Variants in AP1G1 observed in about 807,000 individuals in gnomAD.
AP1G1 encodes the protein AP-1 complex subunit gamma-1.
AP1G1 carries 7 observed loss-of-function variants against 108.3 expected under a neutral mutation model. The ratio of observed to expected loss-of-function variants is 0.06; its 90% CI spans 0.04 to 0.12. The LOEUF is 0.12. Among genes scored for constraint, AP1G1 ranks in the 10% least tolerant of loss-of-function variants. The pLI is 1.00. For missense variants in AP1G1, 756 were observed against 1,010.7 expected (o/e 0.75, Z 3.42); for synonymous variants, 379 against 353.5 (o/e 1.07, Z -0.81).
At chr16:71,776,302 T>C (rs1484305540) in intron 2 of AP1G1, among the ~76,000 whole-genome samples, 1 of 152,196 alleles carries the variant, frequency 6.6e-6, no homozygotes, top group Non-Finnish European at 1.5e-5. Flanking sequence ...ATCACGAGCA[T>C]TTCAAAGAAG....
At chr16:71,734,490 T>G in intron 22 of AP1G1, 119 bp downstream of exon 22, 1 of 814,160 alleles carries the variant, frequency 1.2e-6, no homozygotes, top group Non-Finnish European at 2.0e-6. Flanking sequence ...GACCAGGCAT[T>G]TTCATTGATC....
Position 71,731,346 on chromosome 16 carries a change from G to A in AP1G1, c.*1712C>T, listed in dbSNP as rs1340378278. 2.6e-5 allele frequency: 4 copies of A among 152,570 alleles called. No individual in the cohort carries two copies. Among genetic ancestry groups the A allele is most frequent in the Admixed American group, 1.3e-4 (2 of 15,264 alleles). The allele number at this position is 152,570 out of a possible 1,614,324, so 9.5% of individuals were successfully genotyped here. On this transcript the variant is annotated 3_prime_UTR_variant, in exon 23 of 23. Transcript: ENST00000299980. ...TCAACTCCAGTTTGTCAAATGTTAG[G>A]AATATTCCAGCATCTGATACAGAGC...
chr16:71,736,146 ATG>A, intron 21 of AP1G1, among the ~76,000 whole-genome samples: 1 of 128,432 alleles, frequency 7.8e-6, no homozygotes, highest in African/African-American at 2.9e-5. Flanking sequence ...ATATATATAT[ATG>A]GTCTTATTCA....
chr16:71,772,859 C>T (rs2031629852), intron 4 of AP1G1: 2 of 323,162 alleles, frequency 6.2e-6, no homozygotes, highest in Non-Finnish European at 1.2e-5. Context: ...ATCTAGGTCC[C>T]AATAGAACTG....
intron 1 of AP1G1, among the ~76,000 whole-genome samples, chr16:71,796,495 G>A (rs764182906): frequency 1.3e-5 from 2 of 152,124 alleles, no homozygotes; most frequent in Non-Finnish European, 1.5e-5. Flanking sequence ...GCAGACACAA[G>A]TAATTCAGGA....
chr16:71,799,761 T>G (rs535525390), intron 1 of AP1G1, among the ~76,000 whole-genome samples: 2 of 151,076 alleles, frequency 1.3e-5, no homozygotes, highest in South Asian at 4.2e-4. Flanking sequence ...TAGCGGGGTG[T>G]GGTGACAGGT....
intron 9 of AP1G1, among the ~76,000 whole-genome samples, 172 bp downstream of exon 9, chr16:71,764,178 C>A (rs770609456): frequency 1.3e-5 from 2 of 152,114 alleles, no homozygotes; most frequent in African/African-American, 4.8e-5. Context: ...CAATGTTAAG[C>A]CTTCAGTGGG....
At chr16:71,802,862 A>T (rs2032856845) in intron 1 of AP1G1, among the ~76,000 whole-genome samples, 1 of 152,152 alleles carries the variant, frequency 6.6e-6, no homozygotes, top group South Asian at 2.1e-4. Context: ...AGGTCTGGCC[A>T]GCGAAGTTTA....
intron 1 of AP1G1, among the ~76,000 whole-genome samples, chr16:71,801,960 G>A (rs1390429969): frequency 1.3e-5 from 2 of 151,102 alleles, no homozygotes; most frequent in African/African-American, 2.4e-5. Flanking sequence ...AAAATGCTCT[G>A]CAAGTGTTTC....
At chr16:71,791,945 A>G (rs996757225) in intron 1 of AP1G1, among the ~76,000 whole-genome samples, 22 of 152,022 alleles carry the variant, frequency 1.4e-4, no homozygotes, top group Non-Finnish European at 7.4e-5. Flanking sequence ...TATTTTTAGT[A>G]GAGACAGGGT....
chr16:71,785,566 A>G, intron 2 of AP1G1, among the ~76,000 whole-genome samples: 1 of 128,618 alleles, frequency 7.8e-6, no homozygotes, highest in African/African-American at 3.0e-5. Context: ...CAAGAGCGAA[A>G]CCCTGCCTCA....
intron 1 of AP1G1, chr16:71,806,628 T>C (rs1406635378): frequency 8.9e-7 from 1 of 1,127,090 alleles, no homozygotes; most frequent in African/African-American, 1.6e-5. Flanking sequence ...AACACCTTAC[T>C]TGAAAAGTCT....
At chr16:71,739,902 CG>C (rs1283073141) in intron 19 of AP1G1, among the ~76,000 whole-genome samples, 2 of 152,006 alleles carry the variant, frequency 1.3e-5, no homozygotes, top group Non-Finnish European at 1.5e-5. Flanking sequence ...TATAAAAACA[CG>C]CAAGTCACAA....
chr16:71,746,306 G>A (rs1423578078), intron 17 of AP1G1, among the ~76,000 whole-genome samples: 4 of 152,080 alleles, frequency 2.6e-5, no homozygotes, highest in Admixed American at 6.5e-5. Flanking sequence ...CACCACGCCC[G>A]GCCTCCCACT....
chr16:71,730,287 C>A lies in AP1G1; in HGVS notation c.*2771G>T, dbSNP rs1414602486. ...TTGAGATTACTTAGATGAATTAATTCTCCTTTAGGATTCCCCGGGATGGGG... is the reference window on the plus strand; with the variant it reads ...TTGAGATTACTTAGATGAATTAATTATCCTTTAGGATTCCCCGGGATGGGG... On this transcript the variant is annotated 3_prime_UTR_variant, in exon 23 of 23. Coordinates refer to ENST00000299980, the MANE Select transcript of AP1G1 (RefSeq NM_001128.6). The A allele has an allele frequency of 6.6e-6, 1 of 152,448 alleles. No homozygotes were observed. The highest frequency in any genetic ancestry group is 2.4e-5 in the African/African-American group (1 of 41,418). The allele number at this position is 152,448 out of a possible 1,614,324, so 9.4% of individuals were successfully genotyped here.
Position 71,753,833 on chromosome 16 carries a change from C to A in AP1G1, c.1284G>T (p.Thr428=), listed in dbSNP as rs747894082. The A allele has an allele frequency of 1.2e-6, 2 of 1,613,572 alleles. No homozygotes were observed. The highest frequency in any genetic ancestry group is 1.1e-5 in the South Asian group (1 of 91,070). Reference sequence around the variant, plus strand: ...ATGCTGTCTGAAAGAAGCTACTTACCGTTGTCAAAACACGCATAATTGTGT... The same window carrying A: ...ATGCTGTCTGAAAGAAGCTACTTACAGTTGTCAAAACACGCATAATTGTGT... ...HIDTIMRVLT[T]AGSYVRDDAV... Residue 428 remains threonine (T), a splice_region_variant and synonymous_variant, in exon 13 of 23, where the codon ACG becomes ACT. Coordinates refer to ENST00000299980, the MANE Select transcript of AP1G1 (RefSeq NM_001128.6).
chr16:71,769,140 G>A (rs986487376), intron 6 of AP1G1, among the ~76,000 whole-genome samples: 5 of 151,424 alleles, frequency 3.3e-5, no homozygotes, highest in African/African-American at 9.7e-5. Flanking sequence ...AAAATTAGAT[G>A]GGCATGGTGG....
intron 2 of AP1G1, among the ~76,000 whole-genome samples, chr16:71,776,884 T>C (rs1378236201): frequency 2.6e-5 from 4 of 151,874 alleles, no homozygotes; most frequent in African/African-American, 7.3e-5. Context: ...CCAAGGTGGA[T>C]GGATCACCTG....
rs1474802532 is a variant in AP1G1 at position 71,732,330 on chromosome 16, A to G, written c.*728T>C. 1.3e-5 allele frequency: 2 copies of G among 152,778 alleles called. No individual in the cohort carries two copies. Among genetic ancestry groups the G allele is most frequent in the East Asian group, 1.9e-4 (1 of 5,192 alleles). 9.5% of individuals were successfully genotyped at this position (152,778 alleles called of 1,614,324 possible). A position where few individuals can be genotyped will look rare whatever the true frequency, so the allele number is the denominator to read the frequency against. ...CCTTGGAAGTTTCTATTACAAATAG[A>G]GCACCATATCCTTCATGCCAAATCT... On this transcript the variant is annotated 3_prime_UTR_variant, in exon 23 of 23. Coordinates refer to ENST00000299980, the MANE Select transcript of AP1G1 (RefSeq NM_001128.6).
Sources: allele counts gnomAD v4.1 joint callset (sites outside exome capture counted in the v4.1 genomes callset), GRCh38; gene constraint gnomAD v4.1.1; transcripts MANE v1.5; gene names NCBI Gene and HGNC (gene_info 2026-07-23, HGNC 2026-07-21).